The following PRMT9 variants were observed in gnomAD, a reference collection of about 807,000 sequenced individuals.
PRMT9 encodes the protein protein arginine methyltransferase 9, also known as protein arginine N-methyltransferase 9.
Under a neutral mutation model 83.2 loss-of-function variants are expected in PRMT9, and 59 were observed. The ratio of observed to expected loss-of-function variants is 0.71; its 90% CI spans 0.57 to 0.88. The LOEUF is 0.88. Ranked by LOEUF, PRMT9 falls within the 40% of genes least tolerant of loss-of-function variation. PRMT9 has a pLI of 0.00. For missense variants in PRMT9, 947 were observed against 1,021.9 expected (o/e 0.93, Z 1.00); for synonymous variants, 333 against 353.2 (o/e 0.94, Z 0.64).
intron 5 of PRMT9, among the ~76,000 whole-genome samples, chr4:147,670,112 T>A (rs1735629608): frequency 1.3e-5 from 2 of 152,224 alleles, no homozygotes; most frequent in South Asian, 4.1e-4. Context: ...CCTGTATATC[T>A]CATTCAGGCA....
At chr4:147,639,612 C>A (rs1004783437) in intron 10 of PRMT9, among the ~76,000 whole-genome samples, 2 of 152,050 alleles carry the variant, frequency 1.3e-5, no homozygotes, top group African/African-American at 2.4e-5. Flanking sequence ...CAGGCCACAC[C>A]CCAAACCATC....
rs768271148 is a variant in PRMT9, at chr4:147,638,137, C to A, written c.*395G>T. 4 of 238,736 alleles carry A rather than the reference C, an allele frequency of 1.7e-5. No individual in the cohort carries two copies. The highest frequency in any genetic ancestry group is 3.3e-5 in the Non-Finnish European group (4 of 121,092). 14.8% of individuals were successfully genotyped at this position (238,736 alleles called of 1,614,324 possible). Reference sequence around the variant, plus strand: ...ATTGGAATTTACAGGTAACCATAACCCTCAGTCTTCAGTGGAAGCCTTTCA... The same window carrying A: ...ATTGGAATTTACAGGTAACCATAACACTCAGTCTTCAGTGGAAGCCTTTCA... On this transcript the variant is annotated 3_prime_UTR_variant, in exon 12 of 12. Transcript: ENST00000322396.
intron 4 of PRMT9, 46 bp from the exon 5 acceptor site, chr4:147,670,789 T>A (rs1327310088): frequency 9.7e-6 from 12 of 1,237,268 alleles, no homozygotes; most frequent in Non-Finnish European, 1.4e-5. Context: ...AATATCATGC[T>A]ATTATATAAA....
chr4:147,683,820 C>T lies in PRMT9; in HGVS notation c.168G>A (p.Pro56=), dbSNP rs1240086611. The change falls in exon 1 of 12, where the codon CCG becomes CCA. Residue 56 remains proline (P), a synonymous_variant. Coordinates refer to ENST00000322396, the MANE Select transcript of PRMT9 (RefSeq NM_138364.4). ...AHYLLVLSLA[P]ELKHDVKETF... Reference sequence around the variant, plus strand: ...TCACCTTCACGTCGTGTTTCAGCTCCGGCGCCAGGCTGAGCACGAGGAGGT... The same window carrying T: ...TCACCTTCACGTCGTGTTTCAGCTCTGGCGCCAGGCTGAGCACGAGGAGGT... 6.2e-7 allele frequency: 1 copy of T among 1,612,790 alleles called. No homozygotes were observed. The highest frequency in any genetic ancestry group is 1.3e-5 in the African/African-American group (1 of 74,740).
intron 9 of PRMT9, among the ~76,000 whole-genome samples, chr4:147,647,863 T>C (rs1226371410): frequency 1.3e-5 from 2 of 152,180 alleles, no homozygotes; most frequent in Non-Finnish European, 2.9e-5. Context: ...TTGGCTTTTC[T>C]GGGCAGTGGG....
Position 147,638,360 on chromosome 4 carries a change from C to A in PRMT9, c.*172G>T. On this transcript the variant is annotated 3_prime_UTR_variant, in exon 12 of 12. Transcript: ENST00000322396. ...AGAAAGCAAATCTGCAGCAGTATTT[C>A]TATAATAATGCTACCCTTTTATTTA... 1.6e-6 allele frequency: 1 copy of A among 616,808 alleles called. No homozygotes were observed. Among genetic ancestry groups the A allele is most frequent in the Non-Finnish European group, 2.9e-6 (1 of 350,240 alleles). 38.2% of individuals were successfully genotyped at this position (616,808 alleles called of 1,614,324 possible).
rs1039048311 is a variant in PRMT9 at position 147,673,855 on chromosome 4, C to G, written c.358G>C (p.Ala120Pro). 1 of 1,613,754 alleles carries G rather than the reference C, an allele frequency of 6.2e-7. No homozygotes were observed. Among genetic ancestry groups the G allele is most frequent in the African/African-American group, 1.3e-5 (1 of 74,906 alleles). ...HLFRMGFRDE[A>P]AGYFHKAVKL... Reference sequence around the variant, plus strand: ...ACTGCTTTATGAAAATACCCAGCTGCTTCATCCCTAAAGCCCATTCTAGAG... The same window carrying G: ...ACTGCTTTATGAAAATACCCAGCTGGTTCATCCCTAAAGCCCATTCTAGAG... Residue 120 changes from alanine (A) to proline (P), a missense_variant, in exon 3 of 12, where the codon GCA (alanine) becomes CCA (proline). Ala to Pro is a conservative substitution (Grantham distance 27). Transcript: ENST00000322396.
At chr4:147,647,473 G>A (rs989369143) in intron 9 of PRMT9, among the ~76,000 whole-genome samples, 2 of 151,212 alleles carry the variant, frequency 1.3e-5, no homozygotes, top group African/African-American at 4.9e-5. Context: ...AGGTGGATTC[G>A]AAAAACATGT....
intron 9 of PRMT9, among the ~76,000 whole-genome samples, chr4:147,652,896 A>G (rs1332426760): frequency 1.3e-5 from 2 of 152,206 alleles, no homozygotes; most frequent in South Asian, 2.1e-4. Flanking sequence ...TTGCTGGAGA[A>G]AGAATATAAA....
chr4:147,645,146 T>C (rs1268647900), intron 9 of PRMT9, among the ~76,000 whole-genome samples: 12 of 152,168 alleles, frequency 7.9e-5, no homozygotes, highest in Non-Finnish European at 1.5e-4. Flanking sequence ...CAAAATTATA[T>C]ACTATGTAGT....
intron 5 of PRMT9, among the ~76,000 whole-genome samples, chr4:147,668,956 C>T (rs943722130): frequency 6.6e-6 from 1 of 151,936 alleles, no homozygotes; most frequent in Non-Finnish European, 1.5e-5. Flanking sequence ...CGTGGTGGCA[C>T]GCGCCTGTAG....
At chr4:147,679,060 T>C (rs1350357964) in intron 2 of PRMT9, among the ~76,000 whole-genome samples, 2 of 152,228 alleles carry the variant, frequency 1.3e-5, no homozygotes, top group Non-Finnish European at 2.9e-5. Context: ...TCACCCTTTT[T>C]TGCCTGCTCT....
intron 10 of PRMT9, among the ~76,000 whole-genome samples, chr4:147,641,042 AT>A (rs1175860890): frequency 6.6e-6 from 1 of 151,934 alleles, no homozygotes; most frequent in East Asian, 1.9e-4. Flanking sequence ...GGATCTCACC[AT>A]TTTTGCACCA....
intron 6 of PRMT9, among the ~76,000 whole-genome samples, chr4:147,663,422 G>T (rs1056663559): frequency 6.6e-6 from 1 of 152,064 alleles, no homozygotes; most frequent in African/African-American, 2.4e-5. Flanking sequence ...GAGTACAAAG[G>T]TGTGATCTTG....
At chr4:147,645,337 A>G (rs1411690247) in intron 9 of PRMT9, among the ~76,000 whole-genome samples, 1 of 152,262 alleles carries the variant, frequency 6.6e-6, no homozygotes, top group African/African-American at 2.4e-5. Context: ...CAATTAAATT[A>G]TAATGACAAG....
intron 1 of PRMT9, 39 bp from the exon 2 acceptor site, chr4:147,680,510 C>T: frequency 6.9e-7 from 1 of 1,449,162 alleles, no homozygotes; most frequent in Non-Finnish European, 9.6e-7. Flanking sequence ...TAGTCAATAA[C>T]ATAAAAGATG....
At chr4:147,657,509 G>A (rs945555469) in intron 8 of PRMT9, among the ~76,000 whole-genome samples, 2 of 150,964 alleles carry the variant, frequency 1.3e-5, no homozygotes, top group Admixed American at 6.6e-5. Context: ...GGGCAAAAGA[G>A]CGAGACTCTG....
chr4:147,671,768 T>C (rs1414619461), intron 4 of PRMT9: 7 of 440,740 alleles, frequency 1.6e-5, no homozygotes, highest in South Asian at 4.9e-5. Flanking sequence ...TCAAAACCAA[T>C]AGATCTTTCT....
At chr4:147,647,305 T>C (rs995677056) in intron 9 of PRMT9, among the ~76,000 whole-genome samples, 2 of 152,086 alleles carry the variant, frequency 1.3e-5, no homozygotes, top group African/African-American at 4.8e-5. Context: ...TTTTTCAGAC[T>C]CAAATACTTC....
Sources: allele counts gnomAD v4.1 joint callset (sites outside exome capture counted in the v4.1 genomes callset), GRCh38; gene constraint gnomAD v4.1.1; transcripts MANE v1.5; gene names NCBI Gene and HGNC (gene_info 2026-07-23, HGNC 2026-07-21).